The following MAP3K20 variants were observed in gnomAD, a reference collection of about 807,000 sequenced individuals.
The protein encoded by MAP3K20 is mitogen-activated protein kinase kinase kinase 20.
A neutral mutation model predicts 85.7 loss-of-function variants in MAP3K20; 40 were observed. The observed-to-expected ratio is 0.47, with a 90% CI of 0.36 to 0.61. MAP3K20 has a LOEUF of 0.61. MAP3K20 is among the 20% of genes least tolerant of loss of function. MAP3K20 has a pLI of 0.00. For missense variants in MAP3K20, 817 were observed against 961.7 expected (o/e 0.85, Z 1.99); for synonymous variants, 325 against 327.7 (o/e 0.99, Z 0.09).
intron 2 of MAP3K20, among the ~76,000 whole-genome samples, chr2:173,155,210 CAGTTTCCCTAATGTGAGAGTATTCAT>C (rs1219205360): frequency 4.6e-5 from 7 of 152,200 alleles, no homozygotes; most frequent in South Asian, 2.1e-4. Context: ...TGAGTTCTAC[CAGTTTCCCTAATGTGAGAGTATTCAT>C]AGTTTCCCTA....
intron 9 of MAP3K20, among the ~76,000 whole-genome samples, chr2:173,204,861 T>C (rs1489765805): frequency 6.6e-6 from 1 of 152,126 alleles, no homozygotes; most frequent in African/African-American, 2.4e-5. Flanking sequence ...CCCAGCACTT[T>C]GGGAGGCAGA....
intron 2 of MAP3K20, among the ~76,000 whole-genome samples, chr2:173,103,352 T>C (rs1687690805): frequency 6.6e-6 from 1 of 152,184 alleles, no homozygotes; most frequent in Non-Finnish European, 1.5e-5. Flanking sequence ...TGAGGCTCTG[T>C]GGGAAATCCT....
At chr2:173,130,053 T>C (rs1275159359) in intron 2 of MAP3K20, among the ~76,000 whole-genome samples, 2 of 152,218 alleles carry the variant, frequency 1.3e-5, no homozygotes, top group Non-Finnish European at 2.9e-5. Context: ...AGAATTGCAT[T>C]ATGCGTCAAA....
At chr2:173,111,863 C>T (rs757274214) in intron 2 of MAP3K20, among the ~76,000 whole-genome samples, 1 of 152,064 alleles carries the variant, frequency 6.6e-6, no homozygotes, top group Non-Finnish European at 1.5e-5. Flanking sequence ...AGTGTGATGC[C>T]TCCAGATTTA....
At chr2:173,081,396 G>A (rs1474938448) in intron 1 of MAP3K20, among the ~76,000 whole-genome samples, 1 of 152,096 alleles carries the variant, frequency 6.6e-6, no homozygotes, top group Non-Finnish European at 1.5e-5. Flanking sequence ...CTTCTGCACA[G>A]TACTGTGTAA....
intron 2 of MAP3K20, among the ~76,000 whole-genome samples, chr2:173,143,771 A>T (rs572143910): frequency 3.6e-4 from 55 of 152,308 alleles, no homozygotes; most frequent in East Asian, 2.7e-3. Context: ...TACATAAAAA[A>T]TTTTTTAAAA....
chr2:173,140,874 AGTT>A (rs1259876171), intron 2 of MAP3K20, among the ~76,000 whole-genome samples: 4 of 152,192 alleles, frequency 2.6e-5, no homozygotes, highest in African/African-American at 9.7e-5. Context: ...ATCTGAATAA[AGTT>A]GGTGGATTGT....
At chr2:173,144,481 AAAAAG>A (rs1238294650) in intron 2 of MAP3K20, among the ~76,000 whole-genome samples, 238 of 138,976 alleles carry the variant, frequency 1.7e-3, no homozygotes, top group Non-Finnish European at 2.1e-3. Flanking sequence ...AAAAAAAAAA[AAAAAG>A]AAAAGAAAGA....
At chr2:173,211,033 G>A (rs1866631) in intron 10 of MAP3K20, 81,967 of 152,080 alleles carry the variant, frequency 0.54, 22,654 homozygotes, top group East Asian at 0.8. Flanking sequence ...TAACAAAACA[G>A]AACATTTAAG....
At chr2:173,159,905 G>A (rs763618810) in intron 2 of MAP3K20, 1 of 152,184 alleles carries the variant, frequency 6.6e-6, no homozygotes, top group Non-Finnish European at 1.5e-5. Context: ...CTGGAGGGAA[G>A]CCCAGGCTCC....
At chr2:173,230,889 G>A (rs1166048744) in intron 12 of MAP3K20, among the ~76,000 whole-genome samples, 1 of 152,130 alleles carries the variant, frequency 6.6e-6, no homozygotes, top group Admixed American at 6.5e-5. Context: ...CCAGCTACTT[G>A]GGAGACTGAG....
At chr2:173,171,770 T>C (rs564310450) in intron 3 of MAP3K20, among the ~76,000 whole-genome samples, 23 of 152,326 alleles carry the variant, frequency 1.5e-4, no homozygotes, top group African/African-American at 5.1e-4. Flanking sequence ...TCTCTTTCCC[T>C]GTAGAGCCAG....
intron 9 of MAP3K20, 106 bp from the exon 10 acceptor site, chr2:173,209,623 G>A: frequency 1.2e-6 from 1 of 851,796 alleles, no homozygotes; most frequent in Non-Finnish European, 1.8e-6. Flanking sequence ...GTTTTATTTT[G>A]TTATGGTGGG....
intron 8 of MAP3K20, 45 bp from the exon 9 acceptor site, chr2:173,203,751 T>C (rs1487450343): frequency 1.4e-6 from 2 of 1,456,840 alleles, no homozygotes; most frequent in Non-Finnish European, 1.9e-6. Flanking sequence ...CATTAATGAA[T>C]AAATCCCTGT....
At chr2:173,161,510 T>C (rs1162432921) in intron 2 of MAP3K20, among the ~76,000 whole-genome samples, 1 of 152,222 alleles carries the variant, frequency 6.6e-6, no homozygotes, top group East Asian at 1.9e-4. Context: ...CATCAAATAC[T>C]GTTCATTCAT....
At chr2:173,119,215 C>T (rs371474995) in intron 2 of MAP3K20, among the ~76,000 whole-genome samples, 16 of 152,174 alleles carry the variant, frequency 1.1e-4, no homozygotes, top group African/African-American at 2.9e-4. Flanking sequence ...TGTTTGCAGC[C>T]GACTGGGTGG....
chr2:173,134,136 A>G (rs1156350810), intron 2 of MAP3K20, among the ~76,000 whole-genome samples: 1 of 150,538 alleles, frequency 6.6e-6, no homozygotes, highest in East Asian at 1.9e-4. Flanking sequence ...CATATTTTAA[A>G]TACCTCTGGT....
chr2:173,139,332 G>T (rs919432119), intron 2 of MAP3K20, among the ~76,000 whole-genome samples: 1 of 152,140 alleles, frequency 6.6e-6, no homozygotes, highest in East Asian at 1.9e-4. Flanking sequence ...TTTACCTCCT[G>T]TTTGAATTCT....
chr2:173,241,800 A>G (rs1684789255), intron 16 of MAP3K20, among the ~76,000 whole-genome samples: 1 of 152,092 alleles, frequency 6.6e-6, no homozygotes, highest in African/African-American at 2.4e-5. Flanking sequence ...TCGGCCACAG[A>G]CTTTGGTTGA....
Sources: gnomAD v4.1 joint callset for allele counts (sites outside exome capture counted in the v4.1 genomes callset) on GRCh38, gnomAD v4.1.1 for gene constraint, MANE v1.5 for transcripts, NCBI Gene and HGNC (gene_info 2026-07-23, HGNC 2026-07-21) for gene names.